The following TSPYL4 variants were observed in gnomAD, a reference collection of about 807,000 sequenced individuals.
The protein encoded by TSPYL4 is testis-specific Y-encoded-like protein 4.
Under a neutral mutation model 24.2 loss-of-function variants are expected in TSPYL4, and 22 were observed. That is an observed-to-expected ratio of 0.91 (90% CI 0.65 to 1.30). TSPYL4 has a LOEUF of 1.30. Ranked by LOEUF, TSPYL4 falls within the 50% of genes most tolerant of loss-of-function variation. The probability of loss-of-function intolerance (pLI) is 0.00; values close to 1 mark genes in which losing one functional copy is unlikely to be tolerated. For missense variants in TSPYL4, 569 were observed against 536.7 expected (o/e 1.06, Z -0.60); for synonymous variants, 211 against 208.2 (o/e 1.01, Z -0.12).
rs1771971727 is a variant in TSPYL4, at chr6:116,252,674, G to A, written c.*90C>T. ...AGATAATCCACAGTATGAAGAGAAA[G>A]CAGATGGAAGACTGCATGCTGTTGG... is the stretch of plus-strand genomic sequence containing the variant. On this transcript the variant is annotated 3_prime_UTR_variant, in exon 1 of 1. Transcript: ENST00000420283. The A allele has an allele frequency of 3.6e-6, 5 of 1,375,190 alleles. No homozygotes were observed. Among genetic ancestry groups the A allele is most frequent in the Non-Finnish European group, 4.9e-6 (5 of 1,029,788 alleles). 85.2% of individuals were successfully genotyped at this position (1,375,190 alleles called of 1,614,324 possible).
rs1771928792 is a variant in TSPYL4 at position 116,250,389 on chromosome 6, C to T, written c.*2375G>A. Reference sequence around the variant, plus strand: ...CATGTTGTCAATTATAAGCAAAAAGCAGGCCTGTAAACATCAATTTTGTCA... The same window carrying T: ...CATGTTGTCAATTATAAGCAAAAAGTAGGCCTGTAAACATCAATTTTGTCA... On this transcript the variant is annotated 3_prime_UTR_variant, in exon 1 of 1. Coordinates refer to ENST00000420283, the MANE Select transcript of TSPYL4 (RefSeq NM_021648.5). The T allele has an allele frequency of 6.6e-6, 1 of 152,550 alleles. No homozygotes were observed. Among genetic ancestry groups the T allele is most frequent in the Non-Finnish European group, 1.5e-5 (1 of 68,018 alleles). 9.4% of individuals were successfully genotyped at this position (152,550 alleles called of 1,614,324 possible).
In TSPYL4 at chr6:116,253,924, C is replaced by G; in HGVS notation, c.85G>C (p.Asp29His). Residue 29 changes from aspartate (D) to histidine (H), a missense_variant, in exon 1 of 1, where the codon GAC (aspartate) becomes CAC (histidine). Physicochemically the swap from Asp to His is moderately conservative, Grantham distance 81 (BLOSUM62 -1). Coordinates refer to ENST00000420283, the MANE Select transcript of TSPYL4 (RefSeq NM_021648.5). The surrounding 1 kb of genome is among the most constrained non-coding windows in gnomAD (Gnocchi z 4.3). Reference sequence around the variant, plus strand: ...CGGAGCCCTTGGCACTGGTCTCGGTCCGGATCTCCTGAGGCATGGTCGGGA... The same window carrying G: ...CGGAGCCCTTGGCACTGGTCTCGGTGCGGATCTCCTGAGGCATGGTCGGGA... ...AAPDHASGDPDRDQCQGLREE... is the reference protein window; with the variant it reads ...AAPDHASGDPHRDQCQGLREE... The G allele has an allele frequency of 6.2e-7, 1 of 1,613,584 alleles. No homozygotes were observed.
In TSPYL4 at chr6:116,251,340, C is replaced by T. The variant is rs901606696; in HGVS notation, c.*1424G>A. ...TCAAACTAAAAACTCAAGAAATACA[C>T]AGGTTTTGGTAGAATGGATGGGGTA... On this transcript the variant is annotated 3_prime_UTR_variant, in exon 1 of 1. Transcript: ENST00000420283. 2.3e-5 allele frequency: 9 copies of T among 398,476 alleles called. No individual in the cohort carries two copies. Among genetic ancestry groups the T allele is most frequent in the Non-Finnish European group, 4.0e-5 (9 of 226,136 alleles). The allele number at this position is 398,476 out of a possible 1,614,324, so 24.7% of individuals were successfully genotyped here.
Position 116,253,480 on chromosome 6 carries a change from T to C in TSPYL4, c.529A>G (p.Lys177Glu). The C allele has an allele frequency of 6.4e-7, 1 of 1,551,716 alleles. No individual in the cohort carries two copies. The highest frequency in any genetic ancestry group is 1.2e-5 in the South Asian group (1 of 84,050). Reference protein sequence around the residue: ...GEAGAAMEEKKVVQKEKKVAG... With the variant: ...GEAGAAMEEKEVVQKEKKVAG... ...ACCTTTTTTTCCTTCTGCACTACCT[T>C]CTTTTCCTCCATCGCCGCCCCTGCT... The change falls in exon 1 of 1, where the codon AAG becomes GAG. Residue 177 changes from lysine to glutamate, a missense_variant. Coordinates refer to ENST00000420283, the MANE Select transcript of TSPYL4 (RefSeq NM_021648.5). This position sits in a 1 kb window ranked among gnomAD's most constrained non-coding sequence, Gnocchi z 4.3.
rs1771946822 is a variant in TSPYL4, at chr6:116,251,261, T to C, written c.*1503A>G. 1 of 398,546 alleles carries C rather than the reference T, an allele frequency of 2.5e-6. No individual in the cohort carries two copies. The highest frequency in any genetic ancestry group is 4.4e-5 in the Admixed American group (1 of 22,720). 24.7% of individuals were successfully genotyped at this position (398,546 alleles called of 1,614,324 possible). A position where few individuals can be genotyped will look rare whatever the true frequency, so the allele number is the denominator to read the frequency against. ...TGCTCACATCACAAAGGCCTTTGCCTTTGACCCGTCCTGAACCCATCACTG... is the reference window on the plus strand; with the variant it reads ...TGCTCACATCACAAAGGCCTTTGCCCTTGACCCGTCCTGAACCCATCACTG... On this transcript the variant is annotated 3_prime_UTR_variant, in exon 1 of 1. Coordinates refer to ENST00000420283, the MANE Select transcript of TSPYL4 (RefSeq NM_021648.5).
Position 116,253,964 on chromosome 6 carries a change from G to T in TSPYL4, c.45C>A (p.Thr15=). The change falls in exon 1 of 1, where the codon ACC becomes ACA. Residue 15 remains threonine (T), a synonymous_variant. Transcript: ENST00000420283. This position sits in a 1 kb window ranked among gnomAD's most constrained non-coding sequence, Gnocchi z 4.3. ...CATGGTCGGGAGCAGCCAGGCCGCC[G>T]GTTTGGGCGAGAGGGAGCTTGTTGC... is the stretch of plus-strand genomic sequence containing the variant. The part of the protein sequence containing the change: ...DGGNKLPLAQ[T]GGLAAPDHAS... 1 of 1,601,804 alleles carries T rather than the reference G, an allele frequency of 6.2e-7. No homozygotes were observed. Among genetic ancestry groups the T allele is most frequent in the Non-Finnish European group, 8.5e-7 (1 of 1,174,032 alleles).
At position 116,253,827 on chromosome 6, in the gene TSPYL4, C is replaced by A. The variant is rs1210537626; in HGVS notation, c.182G>T (p.Gly61Val). 1 of 1,609,676 alleles carries A rather than the reference C, an allele frequency of 6.2e-7. No homozygotes were observed. The highest frequency in any genetic ancestry group is 1.7e-5 in the Admixed American group (1 of 59,516). ...GGSLETVAEG[G>V]ASQDPVDCGP... ...ACAGTCGACAGGATCCTGGGATGCA[C>A]CCCCCTCCGCAACGGTCTCCAGGCT... Residue 61 changes from glycine (G) to valine (V), a missense_variant, in exon 1 of 1, where the codon GGT (glycine) becomes GTT (valine). Gly to Val is a moderately radical substitution (Grantham distance 109, BLOSUM62 -3). Coordinates refer to ENST00000420283, the MANE Select transcript of TSPYL4 (RefSeq NM_021648.5). The surrounding 1 kb of genome is among the most constrained non-coding windows in gnomAD (Gnocchi z 4.3).
In TSPYL4 at chr6:116,252,028, C is replaced by CTA. The variant is rs1771958605; in HGVS notation, c.*734_*735dup. ...GAAGGTGAGAGTGAGTAGGGGTGGG[C>CTA]TATAGCACAGGCTTCATACTCACCA... is the stretch of plus-strand genomic sequence containing the variant. On this transcript the variant is annotated 3_prime_UTR_variant, in exon 1 of 1. Transcript: ENST00000420283. 6.6e-6 allele frequency: 1 copy of CTA among 152,608 alleles called. No homozygotes were observed. The highest frequency in any genetic ancestry group is 2.4e-5 in the African/African-American group (1 of 41,424). 9.5% of individuals were successfully genotyped at this position (152,608 alleles called of 1,614,324 possible). A position where few individuals can be genotyped will look rare whatever the true frequency, so the allele number is the denominator to read the frequency against.
At position 116,250,694 on chromosome 6, in the gene TSPYL4, G is replaced by C. The variant is rs1415582003; in HGVS notation, c.*2070C>G. 2.6e-5 allele frequency: 4 copies of C among 152,258 alleles called. No individual in the cohort carries two copies. The highest frequency in any genetic ancestry group is 4.4e-5 in the Non-Finnish European group (3 of 68,198). 9.4% of individuals were successfully genotyped at this position (152,258 alleles called of 1,614,324 possible). On this transcript the variant is annotated 3_prime_UTR_variant, in exon 1 of 1. Coordinates refer to ENST00000420283, the MANE Select transcript of TSPYL4 (RefSeq NM_021648.5). ...CCCCTGATCCTGCAGGTTCTTTCCT[G>C]TGAGCCTTTCCAAACCCACGCCACA...
chr6:116,253,560 T>C lies in TSPYL4; in HGVS notation c.449A>G (p.Lys150Arg), dbSNP rs1772008965. The C allele has an allele frequency of 1.9e-6, 3 of 1,551,870 alleles. No homozygotes were observed. Among genetic ancestry groups the C allele is most frequent in the African/African-American group, 1.4e-5 (1 of 73,060 alleles). ...GGCGCGTTTTTTAGTCGTCACTTCC[T>C]TGGCCTTCTTCCCCGGTATCATCTG... Reference protein sequence around the residue: ...GSQMIPGKKAKEVTTKKRAIS... With the variant: ...GSQMIPGKKAREVTTKKRAIS... The change falls in exon 1 of 1, where the codon AAG becomes AGG. Residue 150 changes from lysine to arginine, a missense_variant. Coordinates refer to ENST00000420283, the MANE Select transcript of TSPYL4 (RefSeq NM_021648.5). This position sits in a 1 kb window ranked among gnomAD's most constrained non-coding sequence, Gnocchi z 4.3.
In TSPYL4 at chr6:116,251,491, A is replaced by G. The variant is rs1771950297; in HGVS notation, c.*1273T>C. ...AGTGGGGTGGAGGAATAAGGGCAAT[A>G]AGAGATCTGGAGCCCATTTAATCAT... On this transcript the variant is annotated 3_prime_UTR_variant, in exon 1 of 1. Transcript: ENST00000420283. 2.7e-6 allele frequency: 1 copy of G among 373,948 alleles called. No individual in the cohort carries two copies. The highest frequency in any genetic ancestry group is 1.5e-4 in the South Asian group (1 of 6,830). The allele number at this position is 373,948 out of a possible 1,614,324, so 23.2% of individuals were successfully genotyped here.
chr6:116,252,585 A>G lies in TSPYL4; in HGVS notation c.*179T>C. On this transcript the variant is annotated 3_prime_UTR_variant, in exon 1 of 1. Coordinates refer to ENST00000420283, the MANE Select transcript of TSPYL4 (RefSeq NM_021648.5). ...AAAAGCATGAAGGCCCAGAGGAAGA[A>G]TGGCACAGGCAGGTAAGCCAACAAT... is the stretch of plus-strand genomic sequence containing the variant. 1 of 735,022 alleles carries G rather than the reference A, an allele frequency of 1.4e-6. No individual in the cohort carries two copies. The allele number at this position is 735,022 out of a possible 1,614,324, so 45.5% of individuals were successfully genotyped here.
Position 116,253,456 on chromosome 6 carries a change from C to T in TSPYL4, c.553G>A (p.Val185Met). 1 of 1,551,748 alleles carries T rather than the reference C, an allele frequency of 6.4e-7. No individual in the cohort carries two copies. Residue 185 changes from valine to methionine, a missense_variant, in exon 1 of 1, where the codon GTG (valine) becomes ATG (methionine). Coordinates refer to ENST00000420283, the MANE Select transcript of TSPYL4 (RefSeq NM_021648.5). The surrounding 1 kb of genome is among the most constrained non-coding windows in gnomAD (Gnocchi z 4.3). ...EKKVVQKEKKVAGGVKEETRP... is the reference protein window; with the variant it reads ...EKKVVQKEKKMAGGVKEETRP... Reference sequence around the variant, plus strand: ...GTCTCCTCTTTCACCCCTCCTGCCACCTTTTTTTCCTTCTGCACTACCTTC... The same window carrying T: ...GTCTCCTCTTTCACCCCTCCTGCCATCTTTTTTTCCTTCTGCACTACCTTC...
Position 116,254,004 on chromosome 6 carries a change from C to T in TSPYL4, c.5G>A (p.Ser2Asn), listed in dbSNP as rs527681800. The T allele has an allele frequency of 5.7e-6, 9 of 1,566,658 alleles. No homozygotes were observed. Among genetic ancestry groups the T allele is most frequent in the Non-Finnish European group, 7.8e-6 (9 of 1,157,718 alleles). Reference sequence around the variant, plus strand: ...GAGCTTGTTGCCCCCATCCAGGCCGCTCATTTTGGAAGAAGTCAGACTAGT... The same window carrying T: ...GAGCTTGTTGCCCCCATCCAGGCCGTTCATTTTGGAAGAAGTCAGACTAGT... The part of the protein sequence containing the change: M[S>N]GLDGGNKLPL... The change falls in exon 1 of 1, where the codon AGC becomes AAC. Residue 2 changes from serine to asparagine, a missense_variant. Ser to Asn is a conservative substitution (Grantham distance 46). Coordinates refer to ENST00000420283, the MANE Select transcript of TSPYL4 (RefSeq NM_021648.5).
At position 116,252,908 on chromosome 6, in the gene TSPYL4, G is replaced by A. The variant is rs747554269; in HGVS notation, c.1101C>T (p.Asp367=). Residue 367 remains aspartate, a synonymous_variant, in exon 1 of 1, where the codon GAC becomes GAT. Coordinates refer to ENST00000420283, the MANE Select transcript of TSPYL4 (RefSeq NM_021648.5). ...WFSDHSLLEF[D]RIAEIIKGEL... Reference sequence around the variant, plus strand: ...CTCCTTTGATAATCTCTGCAATTCTGTCGAATTCTAGAAGGCTGTGGTCTG... The same window carrying A: ...CTCCTTTGATAATCTCTGCAATTCTATCGAATTCTAGAAGGCTGTGGTCTG... The A allele has an allele frequency of 2.5e-6, 4 of 1,611,318 alleles. No individual in the cohort carries two copies. In the African/African-American group the frequency reaches 5.3e-5, roughly 22 times the overall value.
rs1771999578 is a variant in TSPYL4 at position 116,253,392 on chromosome 6, G to T, written c.617C>A (p.Ser206Ter). The T allele has an allele frequency of 6.4e-7, 1 of 1,551,986 alleles. No homozygotes were observed. Among genetic ancestry groups the T allele is most frequent in the Non-Finnish European group, 8.7e-7 (1 of 1,147,164 alleles). ...RAPKINNCMD[S>*]LEAIDQELSN... ...CAACTCTTGATCGATGGCCTCCAGT[G>T]AGTCCATGCAGTTATTGATCTTCGG... Residue 206 changes from serine (S) to a stop codon, truncating the protein, a stop_gained, in exon 1 of 1, where the codon TCA becomes TAA. Coordinates refer to ENST00000420283, the MANE Select transcript of TSPYL4 (RefSeq NM_021648.5). LOFTEE classifies it high-confidence loss of function. The surrounding 1 kb of genome is among the most constrained non-coding windows in gnomAD (Gnocchi z 4.3).
rs1242106416 is a variant in TSPYL4 at position 116,254,067 on chromosome 6, GC to G, written c.-60del. On this transcript the variant is annotated 5_prime_UTR_variant, in exon 1 of 1. Coordinates refer to ENST00000420283, the MANE Select transcript of TSPYL4 (RefSeq NM_021648.5). ...GTTCCTTGTCCTCCGCAGCGGCCGA[GC>G]TCTGCCCGAAACGTCTAGCACCACC... 1 of 1,505,090 alleles carries G rather than the reference GC, an allele frequency of 6.6e-7. No individual in the cohort carries two copies. Among genetic ancestry groups the G allele is most frequent in the African/African-American group, 1.4e-5 (1 of 71,540 alleles). 93.2% of individuals were successfully genotyped at this position (1,505,090 alleles called of 1,614,324 possible).
rs1200110297 is a variant in TSPYL4 at position 116,254,061 on chromosome 6, G to A, written c.-53C>T. 1.3e-6 allele frequency: 2 copies of A among 1,512,506 alleles called. No homozygotes were observed. Among genetic ancestry groups the A allele is most frequent in the African/African-American group, 1.4e-5 (1 of 71,778 alleles). 93.7% of individuals were successfully genotyped at this position (1,512,506 alleles called of 1,614,324 possible). On this transcript the variant is annotated 5_prime_UTR_variant, in exon 1 of 1. Coordinates refer to ENST00000420283, the MANE Select transcript of TSPYL4 (RefSeq NM_021648.5). ...GGGAGAGTTCCTTGTCCTCCGCAGCGGCCGAGCTCTGCCCGAAACGTCTAG... is the reference window on the plus strand; with the variant it reads ...GGGAGAGTTCCTTGTCCTCCGCAGCAGCCGAGCTCTGCCCGAAACGTCTAG...
chr6:116,252,972 C>A lies in TSPYL4; in HGVS notation c.1037G>T (p.Arg346Leu), dbSNP rs183451666. 6.2e-7 allele frequency: 1 copy of A among 1,613,914 alleles called. No homozygotes were observed. The highest frequency in any genetic ancestry group is 1.7e-5 in the Admixed American group (1 of 59,990). ...GAAACTAGGGATAGTGTTCCCTTCC[C>A]GGTTTCTGTGGATATGAGCCTGGGG... ...QDPQAHIHRN[R>L]EGNTIPSFFN... Residue 346 changes from arginine to leucine, a missense_variant, in exon 1 of 1, where the codon CGG becomes CTG. Transcript: ENST00000420283.
Sources: allele counts gnomAD v4.1 joint callset, GRCh38; gene constraint gnomAD v4.1.1; non-coding constraint Gnocchi (gnomAD v3.1); transcripts MANE v1.5; gene names NCBI Gene and HGNC (gene_info 2026-07-23, HGNC 2026-07-21).